EHBP1: variants seen among roughly 807,000 people sequenced by gnomAD.
The protein encoded by EHBP1 is EH domain binding protein 1.
In EHBP1, 55 loss-of-function variants were observed where a neutral mutation model predicts 144.0. The observed-to-expected ratio is 0.38, with a 90% CI of 0.31 to 0.48. The LOEUF (loss-of-function observed/expected upper bound fraction) is 0.48. Ranked by LOEUF, EHBP1 falls within the 20% of genes least tolerant of loss-of-function variation. The probability of loss-of-function intolerance (pLI) is 0.98; values close to 1 mark genes in which losing one functional copy is unlikely to be tolerated. For synonymous variants in EHBP1, 469 were observed against 472.7 expected, an observed-to-expected ratio of 0.99 and a Z score of 0.10; for missense variants, 1,200 against 1,364.2, an observed-to-expected ratio of 0.88 and a Z score of 1.90.
intron 10 of EHBP1, among the ~76,000 whole-genome samples, chr2:62,938,302 G>A (rs1425307566): frequency 6.6e-6 from 1 of 152,188 alleles, no homozygotes; most frequent in Non-Finnish European, 1.5e-5. Flanking sequence ...GGAATCCTGG[G>A]AATGAATCAG....
chr2:62,721,808 A>T (rs2151934404), intron 2 of EHBP1, among the ~76,000 whole-genome samples: 1 of 152,288 alleles, frequency 6.6e-6, no homozygotes, highest in South Asian at 2.1e-4. Flanking sequence ...TTATTTATAA[A>T]ATAACCTTTT....
intron 4 of EHBP1, among the ~76,000 whole-genome samples, chr2:62,770,368 A>G (rs558449571): frequency 6.6e-6 from 1 of 152,354 alleles, no homozygotes; most frequent in South Asian, 2.1e-4. Flanking sequence ...ACGAACAGGC[A>G]CATTTCAAAA....
chr2:62,928,903 A>G (rs1574097539), intron 10 of EHBP1, among the ~76,000 whole-genome samples: 1 of 151,982 alleles, frequency 6.6e-6, no homozygotes, highest in African/African-American at 2.4e-5. Flanking sequence ...TAAAGTGGGG[A>G]CATTACTACC....
At position 62,836,328 on chromosome 2, in the gene EHBP1, G is replaced by T. The variant is rs1443000627; in HGVS notation, c.634+5170G>T. ...AACAAACAGAAAGGACATCCACACC[G>T]AAAACCCATCTGTACATCACCATCA... On this transcript the variant is annotated intron_variant, in intron 7 of 22. Coordinates refer to ENST00000431489, the MANE Select transcript of EHBP1 (RefSeq NM_001142616.3). 4.7e-4 allele frequency among the ~76,000 whole-genome samples: 69 copies of T among 147,944 alleles called. 1 individual carries two copies. Among genetic ancestry groups the T allele is most frequent in the African/African-American group, 1.5e-3 (62 of 40,428 alleles).
chr2:62,979,371 C>A, intron 15 of EHBP1, 36 bp downstream of exon 15: 1 of 1,600,306 alleles, frequency 6.2e-7, no homozygotes, highest in Non-Finnish European at 8.5e-7. Flanking sequence ...CTACAGACAA[C>A]CCAGAAATCC....
intron 7 of EHBP1, among the ~76,000 whole-genome samples, chr2:62,836,558 T>G (rs1386765412): frequency 7.5e-6 from 1 of 133,042 alleles, no homozygotes; most frequent in Non-Finnish European, 1.6e-5. Context: ...GGGAGGACAT[T>G]CAAACCAAAG....
intron 10 of EHBP1, among the ~76,000 whole-genome samples, 187 bp downstream of exon 10, chr2:62,874,719 A>G (rs2152845642): frequency 6.6e-6 from 1 of 152,318 alleles, no homozygotes. Flanking sequence ...TACAGTATGG[A>G]TTGGATGGCT....
chr2:62,707,398 T>C, intron 2 of EHBP1, 103 bp downstream of exon 2: 1 of 819,046 alleles, frequency 1.2e-6, no homozygotes. Flanking sequence ...TATAGTGCAC[T>C]AGTGTGTAGA....
At chr2:62,744,934 A>G (rs767774686) in intron 2 of EHBP1, among the ~76,000 whole-genome samples, 5 of 152,092 alleles carry the variant, frequency 3.3e-5, no homozygotes, top group Non-Finnish European at 5.9e-5. Context: ...AATTTAAAAA[A>G]CTGCACACCA....
chr2:62,955,807 A>G (rs1574232827), intron 14 of EHBP1, 147 bp downstream of exon 14: 8 of 782,796 alleles, frequency 1.0e-5, no homozygotes, highest in Non-Finnish European at 1.5e-5. Context: ...TGATAAAGAT[A>G]AATTCATACT....
At chr2:62,874,193 G>T (rs1191405726) in intron 9 of EHBP1, among the ~76,000 whole-genome samples, 153 bp from the exon 10 acceptor site, 2 of 152,212 alleles carry the variant, frequency 1.3e-5, no homozygotes, top group East Asian at 3.9e-4. Context: ...TGGACCAAAA[G>T]ATTAATAGTC....
At chr2:62,875,976 A>G (rs2050861088) in intron 10 of EHBP1, among the ~76,000 whole-genome samples, 1 of 152,218 alleles carries the variant, frequency 6.6e-6, no homozygotes, top group Non-Finnish European at 1.5e-5. Context: ...AAGACATATG[A>G]GATTATATAA....
At chr2:62,684,429 G>A (rs941669441) in intron 1 of EHBP1, among the ~76,000 whole-genome samples, 17 of 152,162 alleles carry the variant, frequency 1.1e-4, no homozygotes, top group African/African-American at 3.9e-4. Context: ...AAGCTTTTCA[G>A]CAAGTTGAAA....
chr2:62,880,695 A>G (rs1481909837), intron 10 of EHBP1, among the ~76,000 whole-genome samples: 1 of 152,222 alleles, frequency 6.6e-6, no homozygotes, highest in Non-Finnish European at 1.5e-5. Context: ...CATCAAAACC[A>G]CAATGAGATA....
chr2:62,915,478 A>G (rs914021716), intron 10 of EHBP1, among the ~76,000 whole-genome samples: 1 of 152,116 alleles, frequency 6.6e-6, no homozygotes, highest in East Asian at 1.9e-4. Flanking sequence ...TTATTTTAGT[A>G]ATTGTAAAAG....
chr2:62,981,619 G>C (rs1380260121), intron 15 of EHBP1, among the ~76,000 whole-genome samples: 2 of 152,166 alleles, frequency 1.3e-5, no homozygotes, highest in Non-Finnish European at 1.5e-5. Flanking sequence ...GGCTAAGCCA[G>C]GACTAGACTA....
Position 62,884,184 on chromosome 2 carries a change from GTAAGA to G in EHBP1, c.1185+9654_1185+9658del, listed in dbSNP as rs562428470. On this transcript the variant is annotated intron_variant, in intron 10 of 22. Transcript: ENST00000431489. ...ATTACATCTGAGAAGAAAGGTCTTG[GTAAGA>G]TGGAGGTATGCCGAACATTGAGGAA... Among the ~76,000 whole-genome samples the G allele has an allele frequency of 9.2e-5, 14 of 152,318 alleles. No individual in the cohort carries two copies. The South Asian group carries it at 2.5e-3, about 27-fold the overall frequency.
chr2:62,892,215 C>T (rs969947808), intron 10 of EHBP1, among the ~76,000 whole-genome samples: 13 of 152,132 alleles, frequency 8.5e-5, no homozygotes, highest in East Asian at 1.9e-4. Flanking sequence ...ACCACCACCA[C>T]GTGTTATTGA....
At chr2:63,044,271 A>C (rs1435918407) in intron 21 of EHBP1, 2 of 150,114 alleles carry the variant, frequency 1.3e-5, no homozygotes, top group Non-Finnish European at 3.0e-5. Context: ...CAAAAAAAAA[A>C]AAAAAAAACG....
Sources: gnomAD v4.1 joint callset for allele counts (sites outside exome capture counted in the v4.1 genomes callset) on GRCh38, gnomAD v4.1.1 for gene constraint, MANE v1.5 for transcripts, NCBI Gene and HGNC (gene_info 2026-07-23, HGNC 2026-07-21) for gene names.